Variants in CLCN1 observed in about 807,000 individuals in gnomAD.
The protein encoded by CLCN1 is chloride voltage-gated channel 1.
In CLCN1, 100 loss-of-function variants were observed where a neutral mutation model predicts 114.5. The ratio of observed to expected loss-of-function variants is 0.87; its 90% CI spans 0.74 to 1.03. CLCN1 has a LOEUF of 1.03. Among genes scored for constraint, CLCN1 ranks in the 50% least tolerant of loss-of-function variants. CLCN1 has a pLI of 0.00. For missense variants in CLCN1, 1,188 were observed against 1,250.0 expected (o/e 0.95, Z 0.75); for synonymous variants, 485 against 487.1 (o/e 1.00, Z 0.06).
At chr7:143,335,025 G>T (rs1802835946) in intron 12 of CLCN1, among the ~76,000 whole-genome samples, 1 of 152,194 alleles carries the variant, frequency 6.6e-6, no homozygotes, top group Non-Finnish European at 1.5e-5. Flanking sequence ...GTAGTCCAAT[G>T]ATGATAACTG....
chr7:143,329,017 G>A lies in CLCN1; in HGVS notation c.854-1755G>A, dbSNP rs544071981. Among the ~76,000 whole-genome samples, 4 of 149,844 alleles carry A rather than the reference G, an allele frequency of 2.7e-5. No homozygotes were observed. In the South Asian group the frequency reaches 8.5e-4, roughly 32 times the overall value. On this transcript the variant is annotated intron_variant, in intron 7 of 22. Transcript: ENST00000343257. Reference sequence around the variant, plus strand: ...GAGTCTTGCTCTGTCACCCAGGCTGGAGTATAGAGGTGCGATCTCGGCTCA... The same window carrying A: ...GAGTCTTGCTCTGTCACCCAGGCTGAAGTATAGAGGTGCGATCTCGGCTCA...
rs1166848679 is a variant in CLCN1, at chr7:143,320,772, A to AGG, written c.410_411insGG (p.Tyr137Ter). 6.2e-7 allele frequency: 1 copy of AGG among 1,613,784 alleles called. No homozygotes were observed. The highest frequency in any genetic ancestry group is 1.7e-5 in the Admixed American group (1 of 59,996). ...GCTCTGGTCAGCTGGAGCATGGACT[A>AGG]CGTCAGTGCCAAAAGCCTTCAGGGT... is the stretch of plus-strand genomic sequence containing the variant. The part of the protein sequence containing the change: ...LMALVSWSMD[Y>*]VSAKSLQAYK... Residue 137 changes from tyrosine to a stop codon, truncating the protein, a stop_gained and frameshift_variant, in exon 3 of 23, where the codon TAC becomes TAGGC. Coordinates refer to ENST00000343257, the MANE Select transcript of CLCN1 (RefSeq NM_000083.3). LOFTEE classifies it high-confidence loss of function.
Position 143,321,972 on chromosome 7 carries a change from G to A in CLCN1, c.696+124G>A. On this transcript the variant is annotated intron_variant, in intron 5 of 22. Transcript: ENST00000343257. The surrounding 1 kb of genome is among the most constrained non-coding windows in gnomAD (Gnocchi z 4.2). ...GGACAGGACCAAGGCCAGGGCCAGG[G>A]GACACTAGGAAGGGGAAATGCTTTG... 9.2e-7 allele frequency: 1 copy of A among 1,083,028 alleles called. No individual in the cohort carries two copies. The highest frequency in any genetic ancestry group is 2.5e-5 in the Admixed American group (1 of 40,348). The allele number at this position is 1,083,028 out of a possible 1,614,324, so 67.1% of individuals were successfully genotyped here.
chr7:143,335,070 G>A (rs1010706588), intron 12 of CLCN1, among the ~76,000 whole-genome samples: 3 of 152,100 alleles, frequency 2.0e-5, no homozygotes, highest in South Asian at 4.1e-4. Flanking sequence ...TGAGCTATAC[G>A]GCAACATTGG....
chr7:143,323,103 C>A (rs962578896), intron 5 of CLCN1, among the ~76,000 whole-genome samples: 6 of 152,192 alleles, frequency 3.9e-5, no homozygotes, highest in African/African-American at 1.2e-4. Flanking sequence ...CCTCCTCCAC[C>A]CTGGCTCTCT....
chr7:143,333,565 C>T (rs373621092), intron 12 of CLCN1, among the ~76,000 whole-genome samples: 3 of 152,306 alleles, frequency 2.0e-5, no homozygotes, highest in African/African-American at 7.2e-5. Context: ...TTTCATTCTC[C>T]ATGTATCTGA....
chr7:143,344,426 TCA>T lies in CLCN1; in HGVS notation c.1931-1094_1931-1093del, dbSNP rs965005864. ...AAAAATCATGTAGGGCCATTTGGAG[TCA>T]TTAAGATTGTTAGTTCTGATTTCCA... On this transcript the variant is annotated intron_variant, in intron 16 of 22. Coordinates refer to ENST00000343257, the MANE Select transcript of CLCN1 (RefSeq NM_000083.3). Among the ~76,000 whole-genome samples the T allele has an allele frequency of 1.4e-3, 214 of 152,264 alleles. 1 individual carries two copies. Among genetic ancestry groups the T allele is most frequent in the South Asian group, 6.2e-3 (30 of 4,832 alleles).
intron 1 of CLCN1, among the ~76,000 whole-genome samples, chr7:143,319,306 C>T (rs1360072193): frequency 6.6e-6 from 1 of 152,182 alleles, no homozygotes; most frequent in Non-Finnish European, 1.5e-5. Flanking sequence ...CAAGACTGCC[C>T]TGCTAGTTAG....
Position 143,350,008 on chromosome 7 carries a change from A to C in CLCN1, c.2404-364A>C, listed in dbSNP as rs1284530457. 6.6e-6 allele frequency among the ~76,000 whole-genome samples: 1 copy of C among 152,246 alleles called. No homozygotes were observed. The highest frequency in any genetic ancestry group is 2.4e-5 in the African/African-American group (1 of 41,466). The stretch of plus-strand genomic sequence containing the variant: ...GGGAAGGCATGTTTGAAGAGCAGAA[A>C]GCAGTCTGGTTTGATTGGAGCCCCA... On this transcript the variant is annotated intron_variant, in intron 20 of 22. Coordinates refer to ENST00000343257, the MANE Select transcript of CLCN1 (RefSeq NM_000083.3). This position sits in a 1 kb window ranked among gnomAD's most constrained non-coding sequence, Gnocchi z 5.1.
At chr7:143,348,977 G>A (rs970741556) in intron 20 of CLCN1, among the ~76,000 whole-genome samples, 1 of 152,208 alleles carries the variant, frequency 6.6e-6, no homozygotes, top group Non-Finnish European at 1.5e-5. Context: ...ATAAAGTGAA[G>A]ATAATGATAG....
intron 7 of CLCN1, among the ~76,000 whole-genome samples, chr7:143,327,023 G>A (rs1031968614): frequency 3.9e-5 from 6 of 152,076 alleles, no homozygotes; most frequent in South Asian, 2.1e-4. Context: ...CAAGGCAGGC[G>A]GATCATGAGG....
chr7:143,328,509 A>G (rs914150195), intron 7 of CLCN1, among the ~76,000 whole-genome samples: 3 of 152,210 alleles, frequency 2.0e-5, no homozygotes, highest in Non-Finnish European at 2.9e-5. Context: ...TCCGGAGCAT[A>G]CAGTGACAGA....
At chr7:143,320,555 C>T in intron 2 of CLCN1, 109 bp from the exon 3 acceptor site, 7 of 162,408 alleles carry the variant, frequency 4.3e-5, no homozygotes, top group East Asian at 1.9e-4. Context: ...AGCTGCTTTT[C>T]TCTCTCTCTC....
In CLCN1 at chr7:143,331,535, T is replaced by C. The variant is rs113764654; in HGVS notation, c.1065-16T>C. 2,388 of 1,574,528 alleles carry C rather than the reference T, an allele frequency of 1.5e-3. 28 individuals are homozygous for C. In the African/African-American group the frequency reaches 0.026, roughly 17 times the overall value. ...TCATGTCTGTAAGATTCCAACTCTA[T>C]AAATTACACCCTCAGGATTTGCTGT... On this transcript the variant is annotated splice_polypyrimidine_tract_variant and intron_variant, in intron 9 of 22. Coordinates refer to ENST00000343257, the MANE Select transcript of CLCN1 (RefSeq NM_000083.3).
Position 143,324,155 on chromosome 7 carries a change from C to T in CLCN1, c.775-259C>T, listed in dbSNP as rs1563075711. On this transcript the variant is annotated intron_variant, in intron 6 of 22. Coordinates refer to ENST00000343257, the MANE Select transcript of CLCN1 (RefSeq NM_000083.3). This position sits in a 1 kb window ranked among gnomAD's most constrained non-coding sequence, Gnocchi z 4.6. ...TGCTTATCATTTATTGATTTACGTG[C>T]CTGGCATATATTTGCCTAACTTTTA... Among the ~76,000 whole-genome samples, 1 of 152,182 alleles carries T rather than the reference C, an allele frequency of 6.6e-6. No homozygotes were observed. The highest frequency in any genetic ancestry group is 1.5e-5 in the Non-Finnish European group (1 of 68,042).
chr7:143,339,668 G>C lies in CLCN1; in HGVS notation c.1582+47G>C, dbSNP rs117080330. On this transcript the variant is annotated intron_variant, in intron 14 of 22. Coordinates refer to ENST00000343257, the MANE Select transcript of CLCN1 (RefSeq NM_000083.3). The surrounding 1 kb of genome is among the most constrained non-coding windows in gnomAD (Gnocchi z 4.1). ...CTGTAATCAAACATTGAGTACTTCA[G>C]ATCCCCACACTTAAACTCTCCCATT... 1 of 1,139,702 alleles carries C rather than the reference G, an allele frequency of 8.8e-7. No homozygotes were observed. Among genetic ancestry groups the C allele is most frequent in the Non-Finnish European group, 1.3e-6 (1 of 747,422 alleles). The allele number at this position is 1,139,702 out of a possible 1,614,324, so 70.6% of individuals were successfully genotyped here. A position where few individuals can be genotyped will look rare whatever the true frequency, so the allele number is the denominator to read the frequency against.
Position 143,342,006 on chromosome 7 carries a change from G to C in CLCN1, c.1660G>C (p.Ala554Pro). 6.2e-7 allele frequency: 1 copy of C among 1,614,192 alleles called. No homozygotes were observed. Among genetic ancestry groups the C allele is most frequent in the Non-Finnish European group, 8.5e-7 (1 of 1,180,040 alleles). ...TTGCTTCGAATTAACGGGTCAGATTGCTCACATCCTGCCCATGATGGTGGC... is the reference window on the plus strand; with the variant it reads ...TTGCTTCGAATTAACGGGTCAGATTCCTCACATCCTGCCCATGATGGTGGC... ...VICFELTGQI[A>P]HILPMMVAVI... Residue 554 changes from alanine to proline, a missense_variant, in exon 15 of 23, where the codon GCT becomes CCT. By Grantham distance (27) the Ala-to-Pro change is conservative (BLOSUM62 -1). Coordinates refer to ENST00000343257, the MANE Select transcript of CLCN1 (RefSeq NM_000083.3).
At chr7:143,338,950 A>G (rs904365017) in intron 12 of CLCN1, among the ~76,000 whole-genome samples, 1 of 152,226 alleles carries the variant, frequency 6.6e-6, no homozygotes, top group African/African-American at 2.4e-5. Context: ...GCAGAGAAAG[A>G]TAAGTACTCC....
At chr7:143,347,670 G>A (rs1287654713) in intron 20 of CLCN1, among the ~76,000 whole-genome samples, 4 of 105,926 alleles carry the variant, frequency 3.8e-5, no homozygotes, top group Admixed American at 9.9e-5. Context: ...TGCTCCTGGT[G>A]GAGATTACTG....
Sources: gnomAD v4.1 joint callset for allele counts (sites outside exome capture counted in the v4.1 genomes callset) on GRCh38, gnomAD v4.1.1 for gene constraint, Gnocchi (gnomAD v3.1) non-coding constraint, MANE v1.5 for transcripts, NCBI Gene and HGNC (gene_info 2026-07-23, HGNC 2026-07-21) for gene names.